OPCML: variants seen among roughly 807,000 people sequenced by gnomAD.
The protein encoded by OPCML is opioid-binding protein/cell adhesion molecule.
OPCML carries 13 observed loss-of-function variants against 37.8 expected under a neutral mutation model. That is an observed-to-expected ratio of 0.34 (90% confidence interval 0.22 to 0.55). The LOEUF is 0.55. Ranked by LOEUF, OPCML falls within the 20% of genes least tolerant of loss-of-function variation. The pLI, the probability that OPCML is intolerant of heterozygous loss-of-function variation, is 0.91. For synonymous variants in OPCML, 176 were observed against 168.8 expected, an observed-to-expected ratio of 1.04 and a Z score of -0.33; for missense variants, 341 against 435.6, an observed-to-expected ratio of 0.78 and a Z score of 1.93.
chr11:132,651,484 G>T (rs1941425156), intron 3 of OPCML, among the ~76,000 whole-genome samples: 1 of 152,150 alleles, frequency 6.6e-6, no homozygotes, highest in South Asian at 2.1e-4. Context: ...CTAGTGAAGG[G>T]GATTTAAAGC....
intron 1 of OPCML, among the ~76,000 whole-genome samples, chr11:133,053,423 C>T (rs1360399282): frequency 6.6e-6 from 1 of 152,198 alleles, no homozygotes; most frequent in Non-Finnish European, 1.5e-5. Flanking sequence ...CAACAAAGCT[C>T]TTCGTAAAAG....
In OPCML at chr11:133,458,231, T is replaced by C. The variant is rs183274967; in HGVS notation, c.61+74033A>G. Among the ~76,000 whole-genome samples the C allele has an allele frequency of 2.6e-3, 283 of 110,460 alleles. 4 individuals carry two copies. The highest frequency in any genetic ancestry group is 0.019 in the African/African-American group (250 of 13,096). The allele number at this position is 110,460 out of a possible 152,430, so 72.5% of individuals were successfully genotyped here. The stretch of plus-strand genomic sequence containing the variant: ...GTGTATATATACACATATATACACG[T>C]GTGTGTATATATACACATATATATA... On this transcript the variant is annotated intron_variant, in intron 1 of 7. Coordinates refer to ENST00000524381, the MANE Select transcript of OPCML (RefSeq NM_001012393.5).
At chr11:133,412,305 G>C (rs1371635217) in intron 1 of OPCML, among the ~76,000 whole-genome samples, 1 of 152,174 alleles carries the variant, frequency 6.6e-6, no homozygotes, top group Non-Finnish European at 1.5e-5. Flanking sequence ...GGCCAGACTA[G>C]GGGAACAAGA....
chr11:132,980,114 C>A (rs923654306), intron 1 of OPCML, among the ~76,000 whole-genome samples: 3 of 152,046 alleles, frequency 2.0e-5, no homozygotes, highest in Non-Finnish European at 2.9e-5. Flanking sequence ...ATACGGATGG[C>A]AAATGTATAT....
At chr11:133,530,997 G>T (rs530562418) in intron 1 of OPCML, among the ~76,000 whole-genome samples, 1 of 152,110 alleles carries the variant, frequency 6.6e-6, no homozygotes, top group African/African-American at 2.4e-5. Flanking sequence ...GGCAGGTAAG[G>T]TTTTAAAATC....
chr11:132,510,484 C>T (rs1484117107), intron 4 of OPCML, among the ~76,000 whole-genome samples: 3 of 152,112 alleles, frequency 2.0e-5, no homozygotes, highest in Non-Finnish European at 4.4e-5. Flanking sequence ...AATTGTATCT[C>T]CCAGAATTCC....
At chr11:132,607,367 A>C (rs1341257006) in intron 3 of OPCML, among the ~76,000 whole-genome samples, 1 of 152,112 alleles carries the variant, frequency 6.6e-6, no homozygotes, top group East Asian at 1.9e-4. Context: ...AGGTTCTTTG[A>C]ACACGAAGTA....
chr11:132,959,502 A>G (rs961860594), intron 1 of OPCML, among the ~76,000 whole-genome samples: 10 of 152,356 alleles, frequency 6.6e-5, no homozygotes, highest in African/African-American at 2.4e-4. Flanking sequence ...GTAAAATGCT[A>G]TCAAACAGCA....
At chr11:132,657,341 T>C in intron 2 of OPCML, 22 bp from the exon 3 acceptor site, 3 of 1,612,186 alleles carry the variant, frequency 1.9e-6, no homozygotes, top group Non-Finnish European at 2.5e-6. Context: ...CAGGGAGTGG[T>C]GGAGGGAGGA....
chr11:132,791,202 C>T (rs2136178987), intron 2 of OPCML, among the ~76,000 whole-genome samples: 1 of 152,326 alleles, frequency 6.6e-6, no homozygotes, highest in Admixed American at 6.5e-5. Flanking sequence ...CGATCACACA[C>T]TGTTGCAGCT....
chr11:132,848,313 C>T (rs1384440080), intron 2 of OPCML, among the ~76,000 whole-genome samples: 1 of 152,150 alleles, frequency 6.6e-6, no homozygotes, highest in Non-Finnish European at 1.5e-5. Context: ...TTTCTACAAT[C>T]CTAGAAAGGT....
chr11:132,868,490 T>A (rs566431369), intron 2 of OPCML, among the ~76,000 whole-genome samples: 1 of 151,080 alleles, frequency 6.6e-6, no homozygotes, highest in East Asian at 2.0e-4. Flanking sequence ...CAATGGGCAC[T>A]TTCTAAATAA....
intron 3 of OPCML, among the ~76,000 whole-genome samples, chr11:132,608,875 C>T (rs1433751410): frequency 3.3e-5 from 5 of 152,186 alleles, no homozygotes; most frequent in Admixed American, 3.3e-4. Context: ...CCTCCTGCTC[C>T]ACTGTGTACC....
intron 1 of OPCML, among the ~76,000 whole-genome samples, chr11:133,287,763 C>T (rs1433911784): frequency 6.6e-6 from 1 of 152,078 alleles, no homozygotes; most frequent in African/African-American, 2.4e-5. Context: ...CAGTGTGAGA[C>T]TCAAGCAGGG....
chr11:132,462,172 C>T (rs1481920469), intron 4 of OPCML, among the ~76,000 whole-genome samples: 1 of 152,144 alleles, frequency 6.6e-6, no homozygotes, highest in Non-Finnish European at 1.5e-5. Context: ...CAACTAGTGT[C>T]CACTGGAGAA....
At chr11:133,050,073 G>A (rs1335504119) in intron 1 of OPCML, among the ~76,000 whole-genome samples, 1 of 152,174 alleles carries the variant, frequency 6.6e-6, no homozygotes, top group African/African-American at 2.4e-5. Flanking sequence ...AATGAGCTTA[G>A]CCCTTCCCTG....
intron 1 of OPCML, among the ~76,000 whole-genome samples, chr11:133,102,033 A>C (rs926705960): frequency 6.6e-6 from 1 of 152,372 alleles, no homozygotes; most frequent in Non-Finnish European, 1.5e-5. Flanking sequence ...GGAGGCAGTA[A>C]GAAAATTAGT....
chr11:132,801,102 C>A (rs543080848), intron 2 of OPCML, among the ~76,000 whole-genome samples: 1 of 152,124 alleles, frequency 6.6e-6, no homozygotes, highest in Admixed American at 6.6e-5. Flanking sequence ...TTTTTAATTT[C>A]TTCTTTAGTC....
intron 2 of OPCML, among the ~76,000 whole-genome samples, chr11:132,876,523 C>G (rs1381350972): frequency 2.0e-5 from 3 of 152,194 alleles, no homozygotes; most frequent in Non-Finnish European, 4.4e-5. Context: ...GTGGACAGCA[C>G]CTCGAGTCCC....
Sources: gnomAD v4.1 joint callset for allele counts (sites outside exome capture counted in the v4.1 genomes callset) on GRCh38, gnomAD v4.1.1 for gene constraint, MANE v1.5 for transcripts, NCBI Gene and HGNC (gene_info 2026-07-23, HGNC 2026-07-21) for gene names.